Variants in RREB1 observed in about 807,000 individuals in gnomAD.
RREB1 encodes the protein ras responsive element binding protein 1.
RREB1 carries 27 observed loss-of-function variants against 117.8 expected under a neutral mutation model. The observed-to-expected ratio is 0.23, with a 90% CI of 0.17 to 0.32. The LOEUF is 0.32. Ranked by LOEUF, RREB1 falls within the 10% of genes least tolerant of loss-of-function variation. RREB1 has a pLI of 1.00. For missense variants in RREB1, 2,577 were observed against 2,378.2 expected, an observed-to-expected ratio of 1.08 and a Z score of -1.74; for synonymous variants, 1,298 against 1,026.7, an observed-to-expected ratio of 1.26 and a Z score of -5.05.
intron 1 of RREB1, among the ~76,000 whole-genome samples, chr6:7,149,381 A>G (rs1457022522): frequency 6.6e-6 from 1 of 152,230 alleles, no homozygotes; most frequent in African/African-American, 2.4e-5. Context: ...AGGAATACTG[A>G]ACTTAAAGGA....
At chr6:7,212,507 A>G in intron 8 of RREB1, 1 of 152,214 alleles carries the variant, frequency 6.6e-6, no homozygotes, top group East Asian at 1.9e-4. Context: ...TTGCCACTTT[A>G]AAACTGTTAA....
intron 1 of RREB1, among the ~76,000 whole-genome samples, chr6:7,126,281 T>G (rs999470073): frequency 3.9e-5 from 6 of 151,982 alleles, no homozygotes; most frequent in African/African-American, 7.3e-5. Context: ...ATTACAGGCG[T>G]GAGCCACTGC....
At chr6:7,108,686 C>T (rs548247887) in intron 1 of RREB1, 12 of 152,532 alleles carry the variant, frequency 7.9e-5, no homozygotes, top group Middle Eastern at 3.4e-3. Context: ...CGCCCGCCCT[C>T]CCGCCGCCGC....
chr6:7,132,248 T>A (rs1762185362), intron 1 of RREB1, among the ~76,000 whole-genome samples: 1 of 151,908 alleles, frequency 6.6e-6, no homozygotes, highest in South Asian at 2.1e-4. Context: ...AGAGACAGGG[T>A]TTCATCATGT....
chr6:7,169,030 C>T (rs1306699781), intron 1 of RREB1, among the ~76,000 whole-genome samples: 1 of 148,686 alleles, frequency 6.7e-6, no homozygotes, highest in East Asian at 1.9e-4. Flanking sequence ...AGTGGGTGCT[C>T]TGGAAAAAAT....
chr6:7,204,728 T>C (rs983727273), intron 6 of RREB1, among the ~76,000 whole-genome samples: 2 of 152,168 alleles, frequency 1.3e-5, no homozygotes, highest in African/African-American at 4.8e-5. Flanking sequence ...AGAAGTTGGC[T>C]CCTTCATTAA....
chr6:7,226,687 C>CAACT, intron 9 of RREB1, 31 bp downstream of exon 9: 1 of 1,556,010 alleles, frequency 6.4e-7, no homozygotes, highest in Non-Finnish European at 8.8e-7. Flanking sequence ...AAGCAACCAG[C>CAACT]AACTGCCTTC....
At chr6:7,199,997 C>G (rs1330061896) in intron 6 of RREB1, among the ~76,000 whole-genome samples, 1 of 152,126 alleles carries the variant, frequency 6.6e-6, no homozygotes, top group African/African-American at 2.4e-5. Context: ...GAATTTTATT[C>G]TTCAAATTAG....
chr6:7,224,574 G>T (rs572303559), intron 8 of RREB1, among the ~76,000 whole-genome samples: 1 of 152,268 alleles, frequency 6.6e-6, no homozygotes, highest in East Asian at 1.9e-4. Flanking sequence ...GGCTGTTGTT[G>T]CCTCCAAGGG....
chr6:7,231,445 A>T lies in RREB1; in HGVS notation c.3346A>T (p.Thr1116Ser). ...GSVPKAATTATPAATTSPKES... is the reference protein window; with the variant it reads ...GSVPKAATTASPAATTSPKES... ...TGTCCCCAAAGCCGCCACCACCGCC[A>T]CCCCCGCTGCCACCACCAGCCCAAA... The change falls in exon 10 of 13, where the codon ACC (threonine) becomes TCC (serine). Residue 1116 changes from threonine (T) to serine (S), a missense_variant. Thr to Ser is a moderately conservative substitution (Grantham distance 58, BLOSUM62 1). Coordinates refer to ENST00000379938, the MANE Select transcript of RREB1 (RefSeq NM_001003699.4). 6.2e-7 allele frequency: 1 copy of T among 1,609,240 alleles called. No individual in the cohort carries two copies. Among genetic ancestry groups the T allele is most frequent in the Non-Finnish European group, 8.5e-7 (1 of 1,178,876 alleles).
At chr6:7,208,468 G>A (rs904512721) in intron 6 of RREB1, among the ~76,000 whole-genome samples, 1 of 152,246 alleles carries the variant, frequency 6.6e-6, no homozygotes. Context: ...TCATCAAGCG[G>A]CTGGAAGGAC....
In RREB1 at chr6:7,249,062, T is replaced by TGAGAGAGAGAGAGAGA. The variant is rs4053178; in HGVS notation, c.*121_*136dup. The TGAGAGAGAGAGAGAGA allele has an allele frequency of 7.4e-5, 42 of 568,288 alleles. No individual in the cohort carries two copies. The highest frequency in any genetic ancestry group is 2.8e-4 in the East Asian group (9 of 32,676). 35.2% of individuals were successfully genotyped at this position (568,288 alleles called of 1,614,324 possible). ...TCAGTGCCCTTTGGCTGTTGAGGAG[T>TGAGAGAGAGAGAGAGA]GAGAGAGAGAGAGAGAGAGAGAGAG... is the stretch of plus-strand genomic sequence containing the variant. On this transcript the variant is annotated 3_prime_UTR_variant, in exon 13 of 13. Transcript: ENST00000379938.
chr6:7,243,516 C>T (rs536661260), intron 11 of RREB1, among the ~76,000 whole-genome samples: 4 of 152,066 alleles, frequency 2.6e-5, no homozygotes, highest in Admixed American at 6.6e-5. Flanking sequence ...GTGTTGAGGG[C>T]GGGGATTTAT....
chr6:7,120,913 G>C (rs1761651655), intron 1 of RREB1, among the ~76,000 whole-genome samples: 1 of 147,540 alleles, frequency 6.8e-6, no homozygotes, highest in Non-Finnish European at 1.5e-5. Context: ...TCTGCCTCCT[G>C]CGTTCAAGTG....
intron 1 of RREB1, among the ~76,000 whole-genome samples, chr6:7,136,698 A>G (rs970338794): frequency 1.3e-5 from 2 of 152,242 alleles, no homozygotes; most frequent in South Asian, 4.1e-4. Flanking sequence ...ATGGTGTGCA[A>G]AGTAACAAAT....
Position 7,244,947 on chromosome 6 carries a change from C to T in RREB1, c.3974-1477C>T, listed in dbSNP as rs190555646. Among the ~76,000 whole-genome samples the T allele has an allele frequency of 3.3e-5, 5 of 152,310 alleles. No individual in the cohort carries two copies. The South Asian group carries it at 8.3e-4, about 25-fold the overall frequency. ...TTGACATTGTAGTTACACCTGATCA[C>T]GTCAAGTGAGAATCCAGGTTAGGTG... is the stretch of plus-strand genomic sequence containing the variant. On this transcript the variant is annotated intron_variant, in intron 11 of 12. Coordinates refer to ENST00000379938, the MANE Select transcript of RREB1 (RefSeq NM_001003699.4).
intron 1 of RREB1, among the ~76,000 whole-genome samples, chr6:7,122,791 G>T (rs1761733351): frequency 6.6e-6 from 1 of 152,144 alleles, no homozygotes; most frequent in African/African-American, 2.4e-5. Flanking sequence ...TGTAGATTTA[G>T]AGGTCAAATG....
chr6:7,124,040 ACT>A (rs1003643669), intron 1 of RREB1, among the ~76,000 whole-genome samples: 3 of 152,102 alleles, frequency 2.0e-5, no homozygotes, highest in South Asian at 2.1e-4. Flanking sequence ...GAAAGTGGAC[ACT>A]CTGCTTTAGA....
At chr6:7,191,883 G>A (rs945636770) in intron 6 of RREB1, among the ~76,000 whole-genome samples, 10 of 151,836 alleles carry the variant, frequency 6.6e-5, no homozygotes, top group Non-Finnish European at 7.4e-5. Flanking sequence ...TCATTTTCTC[G>A]CCTACTTGCC....
Sources: gnomAD v4.1 joint callset for allele counts (sites outside exome capture counted in the v4.1 genomes callset) on GRCh38, gnomAD v4.1.1 for gene constraint, MANE v1.5 for transcripts, NCBI Gene and HGNC (gene_info 2026-07-23, HGNC 2026-07-21) for gene names.